RAB3D: variants seen among roughly 807,000 people sequenced by gnomAD.
RAB3D encodes RAB3D, member RAS oncogene family, also known as ras-related protein Rab-3D.
In RAB3D, 17 loss-of-function variants were observed where a neutral mutation model predicts 19.3. That is an observed-to-expected ratio of 0.88 (90% CI 0.60 to 1.32). The LOEUF (loss-of-function observed/expected upper bound fraction) is 1.32, where lower values mean the gene tolerates loss of function less well. RAB3D is among the 40% of genes most tolerant of loss of function. The pLI, the probability that RAB3D is intolerant of heterozygous loss-of-function variation, is 0.00. For missense variants in RAB3D, 223 were observed against 299.1 expected, an observed-to-expected ratio of 0.75 and a Z score of 1.88; for synonymous variants, 103 against 119.9, an observed-to-expected ratio of 0.86 and a Z score of 0.92.
chr19:11,334,424 G>A (rs926575760), intron 4 of RAB3D, among the ~76,000 whole-genome samples: 4 of 152,054 alleles, frequency 2.6e-5, no homozygotes, highest in East Asian at 1.9e-4. Flanking sequence ...AGCCAAGATC[G>A]CACCACTGCA....
In RAB3D at chr19:11,335,480, C is replaced by T; in HGVS notation, c.439G>A (p.Ala147Thr). 6.2e-7 allele frequency: 1 copy of T among 1,614,220 alleles called. No homozygotes were observed. The highest frequency in any genetic ancestry group is 8.5e-7 in the Non-Finnish European group (1 of 1,180,054). ...CDLEDERVVP[A>T]EDGRRLADDL... ...TCGGCGAGCCTCCGGCCATCCTCAG[C>T]AGGCACAACACGTTCGTCCTCCAGG... Residue 147 changes from alanine (A) to threonine (T), a missense_variant, in exon 4 of 5, where the codon GCT (alanine) becomes ACT (threonine). Ala to Thr is a moderately conservative substitution (Grantham distance 58, BLOSUM62 0). Coordinates refer to ENST00000222120, the MANE Select transcript of RAB3D (RefSeq NM_004283.4).
chr19:11,335,011 C>T (rs897395205), intron 4 of RAB3D, among the ~76,000 whole-genome samples: 10 of 152,028 alleles, frequency 6.6e-5, no homozygotes, highest in East Asian at 1.9e-4. Flanking sequence ...AGCGAGACTC[C>T]GTCTCAAAAA....
Position 11,325,483 on chromosome 19 carries a change from T to G in RAB3D, c.575A>C (p.Glu192Ala). The change falls in exon 5 of 5, where the codon GAA becomes GCA. Residue 192 changes from glutamate (E) to alanine (A), a missense_variant. Physicochemically the swap from Glu to Ala is moderately radical, Grantham distance 107. Coordinates refer to ENST00000222120, the MANE Select transcript of RAB3D (RefSeq NM_004283.4). Reference sequence around the variant, plus strand: ...GTTGCTGCCTGAGCTGGAGCTGGGTTCCAGGGACTCGTTCATCTTCTCGCA... The same window carrying G: ...GTTGCTGCCTGAGCTGGAGCTGGGTGCCAGGGACTCGTTCATCTTCTCGCA... ...VICEKMNESL[E>A]PSSSSGSNGK... 1 of 1,613,312 alleles carries G rather than the reference T, an allele frequency of 6.2e-7. No homozygotes were observed. Among genetic ancestry groups the G allele is most frequent in the Non-Finnish European group, 8.5e-7 (1 of 1,180,012 alleles).
chr19:11,334,483 A>C (rs539247897), intron 4 of RAB3D, among the ~76,000 whole-genome samples: 1 of 151,552 alleles, frequency 6.6e-6, no homozygotes, highest in Non-Finnish European at 1.5e-5. Context: ...AAAAACAAAA[A>C]CAAACCATAA....
rs7254195 is a variant in RAB3D at position 11,329,845 on chromosome 19, C to G, written c.473-4260G>C. Among the ~76,000 whole-genome samples, 44 of 152,118 alleles carry G rather than the reference C, an allele frequency of 2.9e-4. 1 individual carries two copies. The highest frequency in any genetic ancestry group is 1.1e-3 in the African/African-American group (44 of 41,542). ...TACAGGCACGTGCCACCACACCCAG[C>G]TAATTTTTGTATTTTTGGTAGAGAC... On this transcript the variant is annotated intron_variant, in intron 4 of 4. Coordinates refer to ENST00000222120, the MANE Select transcript of RAB3D (RefSeq NM_004283.4).
At chr19:11,325,939 G>A (rs1255318709) in intron 4 of RAB3D, among the ~76,000 whole-genome samples, 1 of 152,072 alleles carries the variant, frequency 6.6e-6, no homozygotes, top group African/African-American at 2.4e-5. Context: ...GTAGATGGGC[G>A]GCCAGGTGAG....
At chr19:11,335,410 G>A (rs753078669) in intron 4 of RAB3D, 37 bp downstream of exon 4, 65 of 1,611,428 alleles carry the variant, frequency 4.0e-5, no homozygotes, top group Non-Finnish European at 5.1e-5. Flanking sequence ...GTTTGGTTCT[G>A]GGAGACCAGG....
chr19:11,327,445 C>T (rs1008673872), intron 4 of RAB3D, among the ~76,000 whole-genome samples: 6 of 152,198 alleles, frequency 3.9e-5, no homozygotes, highest in African/African-American at 7.2e-5. Context: ...GTCGCCCAGG[C>T]TGGAGTGTAA....
At chr19:11,338,926 G>A (rs1036079139) in intron 1 of RAB3D, among the ~76,000 whole-genome samples, 1 of 152,252 alleles carries the variant, frequency 6.6e-6, no homozygotes, top group African/African-American at 2.4e-5. Flanking sequence ...ACCGCACGGA[G>A]AGGCTGCAGA....
chr19:11,331,008 C>G (rs2080833873), intron 4 of RAB3D, among the ~76,000 whole-genome samples: 1 of 147,830 alleles, frequency 6.8e-6, no homozygotes. Context: ...AGAGAGAGAC[C>G]TTGCCTCAAA....
Position 11,337,272 on chromosome 19 carries a change from G to A in RAB3D, c.128C>T (p.Ala43Val), listed in dbSNP as rs112584280. Residue 43 changes from alanine to valine, a missense_variant, in exon 2 of 5, where the codon GCG becomes GTG. Ala to Val is a moderately conservative substitution (Grantham distance 64). Coordinates refer to ENST00000222120, the MANE Select transcript of RAB3D (RefSeq NM_004283.4). ...GAAGGCGGGAGTGAAGGAGTCGTCC[G>A]CGTATCGGAACAGGAAGGAAGTCTT... ...VGKTSFLFRY[A>V]DDSFTPAFVS... 44 of 1,614,142 alleles carry A rather than the reference G, an allele frequency of 2.7e-5. No individual in the cohort carries two copies. Among genetic ancestry groups the A allele is most frequent in the African/African-American group, 2.5e-4 (19 of 75,026 alleles).
At position 11,322,587 on chromosome 19, in the gene RAB3D, T is replaced by C. The variant is rs960619771; in HGVS notation, c.*2811A>G. Reference sequence around the variant, plus strand: ...TTCCCTGAGGTAATCTGCAAAAACATCAGTTTTCAGTCCCCAGAGACCATT... The same window carrying C: ...TTCCCTGAGGTAATCTGCAAAAACACCAGTTTTCAGTCCCCAGAGACCATT... On this transcript the variant is annotated 3_prime_UTR_variant, in exon 5 of 5. Transcript: ENST00000222120. The C allele has an allele frequency of 2.0e-5, 3 of 152,158 alleles. No homozygotes were observed. The highest frequency in any genetic ancestry group is 7.2e-5 in the African/African-American group (3 of 41,440). The allele number at this position is 152,158 out of a possible 1,614,324, so 9.4% of individuals were successfully genotyped here.
At chr19:11,334,703 T>G (rs2080846161) in intron 4 of RAB3D, among the ~76,000 whole-genome samples, 1 of 152,120 alleles carries the variant, frequency 6.6e-6, no homozygotes, top group South Asian at 2.1e-4. Flanking sequence ...GGCGGGCAGA[T>G]CACGAGGTCA....
intron 1 of RAB3D, among the ~76,000 whole-genome samples, chr19:11,339,258 G>C (rs1254863601): frequency 6.6e-6 from 1 of 152,120 alleles, no homozygotes; most frequent in Admixed American, 6.5e-5. Flanking sequence ...GATTTGGGGC[G>C]CCCCAGCCAA....
intron 1 of RAB3D, among the ~76,000 whole-genome samples, chr19:11,338,145 A>C (rs985089230): frequency 1.3e-5 from 2 of 151,966 alleles, no homozygotes; most frequent in Non-Finnish European, 2.9e-5. Context: ...CCTGGTATAG[A>C]GCTGGGGCAC....
rs529033858 is a variant in RAB3D, at chr19:11,339,450, A to C, written c.-62+19T>G. 27 of 151,848 alleles carry C rather than the reference A, an allele frequency of 1.8e-4. No homozygotes were observed. The highest frequency in any genetic ancestry group is 6.5e-4 in the African/African-American group (27 of 41,342). The allele number at this position is 151,848 out of a possible 1,614,324, so 9.4% of individuals were successfully genotyped here. A position where few individuals can be genotyped will look rare whatever the true frequency, so the allele number is the denominator to read the frequency against. ...CCCAGACCCCCTACCTTCCTCCCAA[A>C]CCCCCGTACCCCACAGACCTGCTCG... On this transcript the variant is annotated intron_variant, in intron 1 of 4. Transcript: ENST00000222120.
intron 4 of RAB3D, among the ~76,000 whole-genome samples, chr19:11,331,349 T>C (rs34256954): frequency 0.032 from 4,911 of 152,094 alleles, 86 homozygotes; most frequent in African/African-American, 0.042. Flanking sequence ...ACTTCATTTA[T>C]AGATACAAAT....
intron 4 of RAB3D, among the ~76,000 whole-genome samples, chr19:11,333,838 C>T (rs2080843251): frequency 6.6e-6 from 1 of 152,036 alleles, no homozygotes; most frequent in East Asian, 1.9e-4. Context: ...GGATTACAGG[C>T]GTCTGTCACC....
intron 4 of RAB3D, chr19:11,327,015 C>A (rs1008372166): frequency 6.3e-6 from 3 of 477,240 alleles, no homozygotes; most frequent in African/African-American, 2.0e-5. Context: ...GGAATTCAGA[C>A]AAACGCCTGC....
Sources: gnomAD v4.1 joint callset for allele counts (sites outside exome capture counted in the v4.1 genomes callset) on GRCh38, gnomAD v4.1.1 for gene constraint, MANE v1.5 for transcripts, NCBI Gene and HGNC (gene_info 2026-07-23, HGNC 2026-07-21) for gene names.